Variants in BPIFB2 observed in about 807,000 individuals in gnomAD.
BPIFB2 encodes BPI fold-containing family B member 2.
BPIFB2 carries 39 observed loss-of-function variants against 50.1 expected under a neutral mutation model. That is an observed-to-expected ratio of 0.78 (90% CI 0.60 to 1.02). The LOEUF (loss-of-function observed/expected upper bound fraction) is 1.02. Ranked by LOEUF, BPIFB2 falls within the 50% of genes least tolerant of loss-of-function variation. The probability of loss-of-function intolerance (pLI) is 0.00; values close to 1 mark genes in which losing one functional copy is unlikely to be tolerated. For synonymous variants in BPIFB2, 280 were observed against 256.3 expected (o/e 1.09, Z -0.88); for missense variants, 574 against 585.8 (o/e 0.98, Z 0.21).
In BPIFB2 at chr20:33,019,852, C is replaced by T. The variant is rs192604424; in HGVS notation, c.1080+102C>T. The stretch of plus-strand genomic sequence containing the variant: ...TTTGCTCTACTCACACTATTGTCTT[C>T]GCTGTTCCTTGAATGTGTCAGGACA... On this transcript the variant is annotated intron_variant, in intron 11 of 15. Transcript: ENST00000170150. 395 of 1,342,640 alleles carry T rather than the reference C, an allele frequency of 2.9e-4. 2 individuals carry two copies. In the African/African-American group the frequency reaches 5.0e-3, roughly 17 times the overall value. The allele number at this position is 1,342,640 out of a possible 1,614,324, so 83.2% of individuals were successfully genotyped here.
intron 6 of BPIFB2, among the ~76,000 whole-genome samples, chr20:33,016,194 C>T (rs950858301): frequency 1.3e-5 from 2 of 152,112 alleles, no homozygotes; most frequent in African/African-American, 4.8e-5. Flanking sequence ...CAACCTCCTG[C>T]ATGCCACCCC....
Position 33,012,804 on chromosome 20 carries a change from A to G in BPIFB2, c.205A>G (p.Ile69Val). 6.2e-7 allele frequency: 1 copy of G among 1,611,860 alleles called. No homozygotes were observed. Among genetic ancestry groups the G allele is most frequent in the Non-Finnish European group, 8.5e-7 (1 of 1,178,090 alleles). ...WSGEALQPTR[I>V]RILNVHVPRL... is the part of the protein sequence containing the mutation. ...GTCACCTTGATTACTACCCTGCAGG[A>G]TCCGGATTCTGAATGTCCATGTGCC... Residue 69 changes from isoleucine (I) to valine (V), a missense_variant and splice_region_variant, in exon 4 of 16, where the codon ATC (isoleucine) becomes GTC (valine). Transcript: ENST00000170150.
rs760871229 is a variant in BPIFB2, at chr20:33,023,359, C to T, written c.1353C>T (p.Ser451=). Residue 451 remains serine (S), a synonymous_variant, in exon 16 of 16, where the codon TCC becomes TCT. Coordinates refer to ENST00000170150, the MANE Select transcript of BPIFB2 (RefSeq NM_025227.3). ...CCCTTCAGGGCTACGTGGTGATATC[C>T]AGTGGACTCTTCTACCAGAGCTGAG... ...IFVYEGYVVI[S]SGLFYQS is the part of the protein sequence containing the mutation. 6.2e-7 allele frequency: 1 copy of T among 1,613,990 alleles called. No homozygotes were observed. Among genetic ancestry groups the T allele is most frequent in the Non-Finnish European group, 8.5e-7 (1 of 1,179,926 alleles).
At chr20:33,022,053 C>G (rs1978693986) in intron 15 of BPIFB2, among the ~76,000 whole-genome samples, 1 of 152,164 alleles carries the variant, frequency 6.6e-6, no homozygotes, top group Admixed American at 6.5e-5. Flanking sequence ...GATCCTGTGC[C>G]CTGGAATGGG....
chr20:33,008,445 C>T (rs1990238789), intron 1 of BPIFB2, 96 bp from the exon 2 acceptor site: 4 of 636,366 alleles, frequency 6.3e-6, no homozygotes, highest in Non-Finnish European at 1.0e-5. Flanking sequence ...CTGGGATCAC[C>T]AGTCAGGGCT....
chr20:33,014,356 G>A (rs141332176), intron 5 of BPIFB2, among the ~76,000 whole-genome samples: 5 of 152,192 alleles, frequency 3.3e-5, no homozygotes, highest in South Asian at 4.1e-4. Flanking sequence ...AGGCCAGGCC[G>A]CTCCCTTCTG....
intron 1 of BPIFB2, 47 bp from the exon 2 acceptor site, chr20:33,008,494 G>C (rs147344485): frequency 1.2e-5 from 15 of 1,212,490 alleles, no homozygotes; most frequent in Non-Finnish European, 1.7e-5. Context: ...GGTGGCTCAG[G>C]GGTGGGCTGT....
chr20:33,020,956 A>G (rs112641393), intron 13 of BPIFB2, among the ~76,000 whole-genome samples: 2 of 152,256 alleles, frequency 1.3e-5, no homozygotes, highest in African/African-American at 4.8e-5. Flanking sequence ...TCTGTCGGTC[A>G]TCTGCGTCAG....
intron 13 of BPIFB2, 39 bp from the exon 14 acceptor site, chr20:33,021,242 G>T: frequency 6.2e-7 from 1 of 1,607,142 alleles, no homozygotes; most frequent in Non-Finnish European, 8.5e-7. Flanking sequence ...CTGGCCCCTC[G>T]GCTGGGACGG....
At position 33,018,687 on chromosome 20, in the gene BPIFB2, C is replaced by A. The variant is rs1328926565; in HGVS notation, c.720C>A (p.Thr240=). The change falls in exon 9 of 16, where the codon ACC becomes ACA. Residue 240 remains threonine (T), a synonymous_variant. Transcript: ENST00000170150. ...CCATCATCCTGCCCACGGATGCCAC[C>A]CCTTTTGTGTTGCCAAGGCATGTGG... ...GKPIILPTDA[T]PFVLPRHVGT... 6.2e-7 allele frequency: 1 copy of A among 1,614,204 alleles called. No individual in the cohort carries two copies. Among genetic ancestry groups the A allele is most frequent in the South Asian group, 1.1e-5 (1 of 91,074 alleles).
chr20:33,020,113 C>T (rs992188172), intron 11 of BPIFB2, among the ~76,000 whole-genome samples: 3 of 152,260 alleles, frequency 2.0e-5, no homozygotes, highest in African/African-American at 4.8e-5. Context: ...TACGGTCCCC[C>T]TCTCCCACAG....
intron 5 of BPIFB2, among the ~76,000 whole-genome samples, chr20:33,015,079 C>G (rs919361819): frequency 7.2e-5 from 11 of 152,292 alleles, no homozygotes; most frequent in Middle Eastern, 3.4e-3. Flanking sequence ...GAAGCAGACC[C>G]AGGATCCCAG....
In BPIFB2 at chr20:33,023,674, T is replaced by G; in HGVS notation, c.*291T>G. On this transcript the variant is annotated 3_prime_UTR_variant, in exon 16 of 16. Coordinates refer to ENST00000170150, the MANE Select transcript of BPIFB2 (RefSeq NM_025227.3). Reference sequence around the variant, plus strand: ...CTCCAGGCTGTATAGACCTGCCCTCTTGCATTAAACAACTTCTCTTGAGCT... The same window carrying G: ...CTCCAGGCTGTATAGACCTGCCCTCGTGCATTAAACAACTTCTCTTGAGCT... 1 of 497,700 alleles carries G rather than the reference T, an allele frequency of 2.0e-6. No homozygotes were observed. The highest frequency in any genetic ancestry group is 3.5e-5 in the East Asian group (1 of 28,542). 30.8% of individuals were successfully genotyped at this position (497,700 alleles called of 1,614,324 possible). A position where few individuals can be genotyped will look rare whatever the true frequency, so the allele number is the denominator to read the frequency against.
chr20:33,020,918 C>G (rs1978641009), intron 13 of BPIFB2, among the ~76,000 whole-genome samples: 2 of 152,180 alleles, frequency 1.3e-5, no homozygotes, highest in Non-Finnish European at 2.9e-5. Flanking sequence ...CAACATGCCC[C>G]CCTTCTACCC....
At chr20:33,010,959 A>C in intron 2 of BPIFB2, 65 bp from the exon 3 acceptor site, 5 of 1,345,200 alleles carry the variant, frequency 3.7e-6, no homozygotes, top group Non-Finnish European at 5.3e-6. Flanking sequence ...GATGGCAGGC[A>C]GTGTGTTCTT....
At chr20:33,013,083 C>T (rs1990311559) in intron 4 of BPIFB2, among the ~76,000 whole-genome samples, 176 bp downstream of exon 4, 1 of 152,118 alleles carries the variant, frequency 6.6e-6, no homozygotes, top group Admixed American at 6.5e-5. Context: ...GAGAACATTT[C>T]TGAGAACCCT....
intron 15 of BPIFB2, 113 bp downstream of exon 15, chr20:33,021,912 C>A: frequency 9.6e-7 from 1 of 1,039,434 alleles, no homozygotes; most frequent in Non-Finnish European, 1.5e-6. Context: ...TGCCATGAAT[C>A]CTTAACTGCA....
intron 11 of BPIFB2, 74 bp downstream of exon 11, chr20:33,019,824 A>G (rs1978592624): frequency 6.9e-7 from 1 of 1,450,310 alleles, no homozygotes; most frequent in South Asian, 1.4e-5. Flanking sequence ...CTGTCCCCTC[A>G]TCTTTGCTCT....
At position 33,018,439 on chromosome 20, in the gene BPIFB2, T is replaced by C. The variant is rs73907348; in HGVS notation, c.669+89T>C. On this transcript the variant is annotated intron_variant, in intron 8 of 15. Coordinates refer to ENST00000170150, the MANE Select transcript of BPIFB2 (RefSeq NM_025227.3). The stretch of plus-strand genomic sequence containing the variant: ...GAAGATTCCTAAAGGAGCGGGGGAG[T>C]GGGAAAGGAGAGGAGGAGCTGGAAT... 1.3e-3 allele frequency: 1,736 copies of C among 1,360,704 alleles called. 19 individuals carry two copies. In the African/African-American group the frequency reaches 0.022, roughly 17 times the overall value. 84.3% of individuals were successfully genotyped at this position (1,360,704 alleles called of 1,614,324 possible).
Sources: allele counts gnomAD v4.1 joint callset (sites outside exome capture counted in the v4.1 genomes callset), GRCh38; gene constraint gnomAD v4.1.1; transcripts MANE v1.5; gene names NCBI Gene and HGNC (gene_info 2026-07-23, HGNC 2026-07-21).